TTC7B: variants seen among roughly 807,000 people sequenced by gnomAD.
The protein encoded by TTC7B is tetratricopeptide repeat domain 7B, also known as tetratricopeptide repeat protein 7B.
In TTC7B, 28 loss-of-function variants were observed where a neutral mutation model predicts 106.8. That is an observed-to-expected ratio of 0.26 (90% CI 0.19 to 0.36). TTC7B has a LOEUF of 0.36. Ranked by LOEUF, TTC7B falls within the 10% of genes least tolerant of loss-of-function variation. The pLI, the probability that TTC7B is intolerant of heterozygous loss-of-function variation, is 1.00. For synonymous variants in TTC7B, 405 were observed against 430.6 expected, an observed-to-expected ratio of 0.94 and a Z score of 0.74; for missense variants, 862 against 1,076.4, an observed-to-expected ratio of 0.80 and a Z score of 2.79.
intron 19 of TTC7B, among the ~76,000 whole-genome samples, chr14:90,544,766 G>A (rs920924125): frequency 3.9e-5 from 6 of 152,112 alleles, no homozygotes; most frequent in Admixed American, 2.0e-4. Context: ...GCAGGAGCTC[G>A]TCACACGCCT....
chr14:90,652,815 G>A (rs765771689), intron 13 of TTC7B, 26 bp downstream of exon 13: 39 of 1,612,968 alleles, frequency 2.4e-5, no homozygotes, highest in Middle Eastern at 1.6e-4. Context: ...ATGTACAGCC[G>A]AGTGAAAAGA....
At chr14:90,811,556 A>G (rs2030902546) in intron 1 of TTC7B, among the ~76,000 whole-genome samples, 1 of 152,158 alleles carries the variant, frequency 6.6e-6, no homozygotes, top group African/African-American at 2.4e-5. Context: ...CCCTCCACCA[A>G]GGGGAAGCCA....
At chr14:90,611,090 T>C (rs960891720) in intron 16 of TTC7B, among the ~76,000 whole-genome samples, 2 of 152,232 alleles carry the variant, frequency 1.3e-5, no homozygotes, top group East Asian at 3.8e-4. Context: ...GCCTCTTTTA[T>C]GTCATTAGAA....
At chr14:90,778,065 G>A (rs78661076) in intron 3 of TTC7B, among the ~76,000 whole-genome samples, 7,561 of 152,126 alleles carry the variant, frequency 0.05, 246 homozygotes, top group Middle Eastern at 0.083. Context: ...GGTCAGGGCC[G>A]ATGCTCATAA....
chr14:90,585,318 G>C (rs1421533595), intron 18 of TTC7B, among the ~76,000 whole-genome samples: 1 of 152,222 alleles, frequency 6.6e-6, no homozygotes, highest in Admixed American at 6.5e-5. Context: ...GCAGTGACAG[G>C]CGCTAGCCCT....
chr14:90,698,460 C>T (rs962102277), intron 5 of TTC7B: 1 of 152,166 alleles, frequency 6.6e-6, no homozygotes, highest in African/African-American at 2.4e-5. Context: ...AAGGAATCTC[C>T]CAATCTCCCT....
chr14:90,760,371 C>A (rs1890460045), intron 3 of TTC7B, among the ~76,000 whole-genome samples: 1 of 152,154 alleles, frequency 6.6e-6, no homozygotes, highest in Non-Finnish European at 1.5e-5. Flanking sequence ...CATGCCATAC[C>A]TAGACCTGCC....
intron 17 of TTC7B, among the ~76,000 whole-genome samples, chr14:90,598,626 C>T (rs1284393565): frequency 6.6e-6 from 1 of 152,208 alleles, no homozygotes; most frequent in African/African-American, 2.4e-5. Context: ...GACCCGTGCT[C>T]CTATTGTACA....
chr14:90,612,688 T>C (rs920785086), intron 16 of TTC7B, among the ~76,000 whole-genome samples: 2 of 152,208 alleles, frequency 1.3e-5, no homozygotes, highest in African/African-American at 4.8e-5. Flanking sequence ...ATTGTTGTCC[T>C]ACACAGAACT....
chr14:90,645,461 C>T (rs1424066593), intron 14 of TTC7B, among the ~76,000 whole-genome samples: 1 of 152,140 alleles, frequency 6.6e-6, no homozygotes, highest in Admixed American at 6.5e-5. Context: ...GAGAGTGATT[C>T]CTGTCCATCC....
chr14:90,659,690 G>A (rs1464030420), intron 9 of TTC7B, among the ~76,000 whole-genome samples: 1 of 152,168 alleles, frequency 6.6e-6, no homozygotes, highest in Non-Finnish European at 1.5e-5. Context: ...AGCTCCGCAC[G>A]TGTGGCTTTA....
chr14:90,603,178 A>T (rs1892501423), intron 17 of TTC7B: 1 of 1,039,066 alleles, frequency 9.6e-7, no homozygotes, highest in South Asian at 1.3e-5. Flanking sequence ...CAACAACCAC[A>T]ATGCACATTC....
intron 17 of TTC7B, among the ~76,000 whole-genome samples, chr14:90,604,314 C>A (rs558516947): frequency 1.3e-5 from 2 of 152,332 alleles, no homozygotes; most frequent in East Asian, 3.9e-4. Context: ...GAGAAAATGT[C>A]TATTTTAAGA....
At chr14:90,660,150 G>A (rs553482761) in intron 9 of TTC7B, among the ~76,000 whole-genome samples, 38 of 152,102 alleles carry the variant, frequency 2.5e-4, no homozygotes, top group African/African-American at 8.7e-4. Context: ...TAGGGAGGCT[G>A]AGGCAGGAGG....
At chr14:90,610,942 T>G in intron 16 of TTC7B, 103 bp from the exon 17 acceptor site, 1 of 820,134 alleles carries the variant, frequency 1.2e-6, no homozygotes, top group Non-Finnish European at 2.1e-6. Context: ...ATACTTTCTG[T>G]GCATTTTTTA....
At chr14:90,809,988 C>G (rs1466202198) in intron 1 of TTC7B, among the ~76,000 whole-genome samples, 1 of 152,224 alleles carries the variant, frequency 6.6e-6, no homozygotes, top group African/African-American at 2.4e-5. Flanking sequence ...TTGATCCTTA[C>G]AACCTCCCTA....
intron 15 of TTC7B, among the ~76,000 whole-genome samples, chr14:90,629,196 G>C (rs962072070): frequency 6.6e-6 from 1 of 152,010 alleles, no homozygotes; most frequent in Non-Finnish European, 1.5e-5. Flanking sequence ...ATACTTATAG[G>C]ATAAATTTGG....
rs534039762 is a variant in TTC7B, at chr14:90,543,187, T to C, written c.2311-1598A>G. ...TTTTGAGATTCTTTTCTTTGAAAAG[T>C]TTTAAGTTGCAAAATTAAATTTATT... On this transcript the variant is annotated intron_variant, in intron 19 of 19. Coordinates refer to ENST00000328459, the MANE Select transcript of TTC7B (RefSeq NM_001010854.2). 1.3e-3 allele frequency among the ~76,000 whole-genome samples: 200 copies of C among 152,362 alleles called. 1 individual carries two copies. The highest frequency in any genetic ancestry group is 2.6e-3 in the Non-Finnish European group (175 of 68,038).
At chr14:90,774,168 C>T (rs1335575033) in intron 3 of TTC7B, among the ~76,000 whole-genome samples, 2 of 152,108 alleles carry the variant, frequency 1.3e-5, no homozygotes, top group Admixed American at 6.5e-5. Flanking sequence ...ACAACAAGAA[C>T]CCGACCGAGA....
Sources: gnomAD v4.1 joint callset for allele counts (sites outside exome capture counted in the v4.1 genomes callset) on GRCh38, gnomAD v4.1.1 for gene constraint, MANE v1.5 for transcripts, NCBI Gene and HGNC (gene_info 2026-07-23, HGNC 2026-07-21) for gene names.